Variants in RNLS observed in about 807,000 individuals in gnomAD.
RNLS encodes renalase.
A neutral mutation model predicts 39.8 loss-of-function variants in RNLS; 39 were observed. That is an observed-to-expected ratio of 0.98 (90% CI 0.76 to 1.28). The LOEUF (loss-of-function observed/expected upper bound fraction) is 1.28, where lower values mean the gene tolerates loss of function less well. Ranked by LOEUF, RNLS falls within the 50% of genes most tolerant of loss-of-function variation. The probability of loss-of-function intolerance (pLI) is 0.00; values close to 1 mark genes in which losing one functional copy is unlikely to be tolerated. For synonymous variants in RNLS, 147 were observed against 150.7 expected (o/e 0.98, Z 0.18); for missense variants, 410 against 413.3 (o/e 0.99, Z 0.07).
intron 4 of RNLS, among the ~76,000 whole-genome samples, chr10:88,446,782 G>A (rs935344799): frequency 6.6e-6 from 1 of 152,082 alleles, no homozygotes; most frequent in Non-Finnish European, 1.5e-5. Context: ...CTGGCAAACT[G>A]AATCCAGCAA....
chr10:88,354,279 G>A (rs1408662758), intron 5 of RNLS, among the ~76,000 whole-genome samples: 1 of 152,238 alleles, frequency 6.6e-6, no homozygotes. Flanking sequence ...TGGTTATTTT[G>A]CTCGTTAGTT....
At chr10:88,193,275 G>A in the RNLS span, among the ~76,000 whole-genome samples, 639 of 152,162 alleles carry the variant, frequency 4.2e-3, 2 homozygotes, top group Middle Eastern at 0.01. Context: ...TTATTGACTC[G>A]CCCGAGAACT....
At chr10:88,218,309 G>A in the RNLS span, among the ~76,000 whole-genome samples, 1 of 152,218 alleles carries the variant, frequency 6.6e-6, no homozygotes, top group African/African-American at 2.4e-5. Flanking sequence ...CAGAACCTTA[G>A]ACATTTCCAA....
At chr10:88,332,674 C>T (rs958842565) in intron 5 of RNLS, among the ~76,000 whole-genome samples, 1 of 152,182 alleles carries the variant, frequency 6.6e-6, no homozygotes, top group African/African-American at 2.4e-5. Context: ...TCAGCAGACA[C>T]CAAAATTGCC....
At chr10:88,194,251 G>A in the RNLS span, among the ~76,000 whole-genome samples, 1 of 152,178 alleles carries the variant, frequency 6.6e-6, no homozygotes, top group Non-Finnish European at 1.5e-5. Flanking sequence ...TAGCAGCAAC[G>A]CTGTCTCCAC....
At chr10:88,257,095 T>C in the RNLS span, among the ~76,000 whole-genome samples, 1 of 152,184 alleles carries the variant, frequency 6.6e-6, no homozygotes, top group Non-Finnish European at 1.5e-5. Flanking sequence ...GCTTGTATTG[T>C]TTCTGGTCTC....
intron 4 of RNLS, among the ~76,000 whole-genome samples, chr10:88,477,115 A>C (rs757908770): frequency 6.6e-6 from 1 of 152,096 alleles, no homozygotes; most frequent in Non-Finnish European, 1.5e-5. Flanking sequence ...TTTTTGTATC[A>C]ATATCATTAA....
intron 6 of RNLS, among the ~76,000 whole-genome samples, chr10:88,306,661 A>G (rs777129782): frequency 1.6e-4 from 24 of 152,164 alleles, no homozygotes; most frequent in Non-Finnish European, 3.2e-4. Flanking sequence ...GACCAATAAT[A>G]AGCTCTGAAG....
At chr10:88,439,764 T>C (rs77487319) in intron 4 of RNLS, among the ~76,000 whole-genome samples, 9,385 of 152,262 alleles carry the variant, frequency 0.062, 412 homozygotes, top group African/African-American at 0.12. Flanking sequence ...TTCCCAGCTC[T>C]GAGTCCAGAC....
chr10:88,501,137 CTTGA>C (rs1347477004), intron 4 of RNLS, among the ~76,000 whole-genome samples: 9 of 151,814 alleles, frequency 5.9e-5, no homozygotes, highest in Non-Finnish European at 4.4e-5. Flanking sequence ...CTTCCTCTTG[CTTGA>C]TTATTATTAG....
chr10:88,241,146 G>T, the RNLS span, among the ~76,000 whole-genome samples: 1 of 150,040 alleles, frequency 6.7e-6, no homozygotes, highest in East Asian at 1.9e-4. Flanking sequence ...TACTTTTCCG[G>T]GTTTGACATC....
the RNLS span, among the ~76,000 whole-genome samples, chr10:88,235,302 C>T: frequency 6.7e-6 from 1 of 150,164 alleles, no homozygotes; most frequent in African/African-American, 2.4e-5. Context: ...GAAAGAAATC[C>T]CTAACATGGA....
At chr10:88,376,898 G>T (rs2133472859) in intron 4 of RNLS, among the ~76,000 whole-genome samples, 1 of 152,160 alleles carries the variant, frequency 6.6e-6, no homozygotes, top group South Asian at 2.1e-4. Flanking sequence ...GGAAAAGGAA[G>T]TCTGTTTCAA....
chr10:88,553,436 A>C (rs1416303495), intron 4 of RNLS, among the ~76,000 whole-genome samples: 1 of 152,158 alleles, frequency 6.6e-6, no homozygotes, highest in Admixed American at 6.5e-5. Flanking sequence ...TTGAATCACA[A>C]GTACTGTCAG....
chr10:88,210,846 T>C, the RNLS span, among the ~76,000 whole-genome samples: 1 of 152,142 alleles, frequency 6.6e-6, no homozygotes. Flanking sequence ...TGTGGGACTG[T>C]GTTCCCCCTT....
intron 4 of RNLS, among the ~76,000 whole-genome samples, chr10:88,464,043 T>C (rs1360586211): frequency 6.6e-6 from 1 of 152,100 alleles, no homozygotes; most frequent in East Asian, 1.9e-4. Flanking sequence ...ACCAGGAGTC[T>C]AGCCTCATTT....
intron 3 of RNLS, 49 bp downstream of exon 3, chr10:88,581,518 T>C: frequency 6.6e-7 from 1 of 1,522,398 alleles, no homozygotes; most frequent in South Asian, 1.3e-5. Flanking sequence ...GTGTAACTTG[T>C]TTTTAAATGC....
At chr10:88,499,944 A>G (rs1002830456) in intron 4 of RNLS, among the ~76,000 whole-genome samples, 2 of 152,138 alleles carry the variant, frequency 1.3e-5, no homozygotes, top group Non-Finnish European at 2.9e-5. Context: ...TTTTGCATAT[A>G]CTTATAAGCT....
intron 5 of RNLS, among the ~76,000 whole-genome samples, chr10:88,331,124 G>A (rs1209422395): frequency 2.0e-5 from 3 of 152,186 alleles, no homozygotes; most frequent in African/African-American, 7.2e-5. Context: ...GCCATATGAA[G>A]AATGTACCTT....
Sources: gnomAD v4.1 joint callset for allele counts (sites outside exome capture counted in the v4.1 genomes callset) on GRCh38, gnomAD v4.1.1 for gene constraint, MANE v1.5 for transcripts, NCBI Gene and HGNC (gene_info 2026-07-23, HGNC 2026-07-21) for gene names.